The following PLA2G4E variants were observed in gnomAD, a reference collection of about 807,000 sequenced individuals.
PLA2G4E encodes the protein cytosolic phospholipase A2 epsilon.
A neutral mutation model predicts 109.1 loss-of-function variants in PLA2G4E; 84 were observed. The ratio of observed to expected loss-of-function variants is 0.77; its 90% CI spans 0.65 to 0.92. The LOEUF is 0.92. PLA2G4E is among the 40% of genes least tolerant of loss of function. PLA2G4E has a pLI of 0.00. For synonymous variants in PLA2G4E, 469 were observed against 436.1 expected (o/e 1.08, Z -0.94); for missense variants, 1,057 against 1,076.6 (o/e 0.98, Z 0.25).
intron 10 of PLA2G4E, chr15:41,997,999 C>T (rs3743016): frequency 0.16 from 24,482 of 152,122 alleles, 2,480 homozygotes; most frequent in East Asian, 0.28. Context: ...AAACTACCCG[C>T]GAAACTTCTG....
chr15:42,026,512 A>G (rs1404471246), intron 1 of PLA2G4E, among the ~76,000 whole-genome samples: 1 of 152,218 alleles, frequency 6.6e-6, no homozygotes, highest in Non-Finnish European at 1.5e-5. Flanking sequence ...ACTAAATTGG[A>G]AAAAATTGAG....
intron 1 of PLA2G4E, among the ~76,000 whole-genome samples, chr15:42,049,115 C>T (rs906148795): frequency 1.3e-5 from 2 of 152,196 alleles, no homozygotes; most frequent in African/African-American, 2.4e-5. Context: ...GGAGAAGCAC[C>T]TGCTCACCGG....
intron 1 of PLA2G4E, among the ~76,000 whole-genome samples, chr15:42,021,839 C>T (rs2068651517): frequency 6.6e-6 from 1 of 152,218 alleles, no homozygotes; most frequent in Non-Finnish European, 1.5e-5. Context: ...ACCGGCTTTT[C>T]TGGACCATAG....
At chr15:42,007,931 T>G in intron 2 of PLA2G4E, 66 bp from the exon 3 acceptor site, 1 of 1,517,332 alleles carries the variant, frequency 6.6e-7, no homozygotes, top group Non-Finnish European at 9.0e-7. Flanking sequence ...AAAAGGGAAC[T>G]TCAGGCAAGC....
At chr15:41,986,170 G>T (rs907107395) in intron 17 of PLA2G4E, among the ~76,000 whole-genome samples, 165 bp from the exon 18 acceptor site, 1 of 152,148 alleles carries the variant, frequency 6.6e-6, no homozygotes, top group South Asian at 2.1e-4. Context: ...GAAGAACAGC[G>T]TTATCTTGGG....
Position 42,000,103 on chromosome 15 carries a change from C to T in PLA2G4E, c.852+1G>A. 6.3e-7 allele frequency: 1 copy of T among 1,583,646 alleles called. No homozygotes were observed. The highest frequency in any genetic ancestry group is 8.6e-7 in the Non-Finnish European group (1 of 1,164,652). Reference sequence around the variant, plus strand: ...CTCCCCCAGTGTCAGCCGCCTTGTACCCCACAGCTCCAGTGACTCTTGGGC... The same window carrying T: ...CTCCCCCAGTGTCAGCCGCCTTGTATCCCACAGCTCCAGTGACTCTTGGGC... On this transcript the variant is annotated splice_donor_variant, in intron 8 of 19. Coordinates refer to ENST00000399518, the Ensembl canonical transcript of PLA2G4E. LOFTEE classifies it high-confidence loss of function.
At chr15:41,985,943 C>A in exon 18 of PLA2G4E, 1 of 1,606,276 alleles carries the variant, frequency 6.2e-7, no homozygotes, top group Non-Finnish European at 8.5e-7. Flanking sequence ...AACGCAGTGT[C>A]CAGCAGGCAC....
intron 3 of PLA2G4E, among the ~76,000 whole-genome samples, chr15:42,006,781 G>T (rs1440827267): frequency 6.6e-6 from 1 of 152,140 alleles, no homozygotes; most frequent in Non-Finnish European, 1.5e-5. Context: ...GTGGGTTGAG[G>T]CTGCCTCTTA....
chr15:41,990,267 A>G, intron 13 of PLA2G4E, 32 bp from the exon 14 acceptor site: 1 of 1,589,328 alleles, frequency 6.3e-7, no homozygotes, highest in Non-Finnish European at 8.6e-7. Context: ...AAAGAGAAGC[A>G]GCAGCCCAGA....
chr15:42,027,586 T>C (rs2068703123), intron 1 of PLA2G4E, among the ~76,000 whole-genome samples: 1 of 152,260 alleles, frequency 6.6e-6, no homozygotes, highest in Admixed American at 6.5e-5. Context: ...AGTGATCTCC[T>C]GAAAACATAA....
At chr15:42,031,386 A>T (rs1566849413) in intron 1 of PLA2G4E, among the ~76,000 whole-genome samples, 3 of 152,170 alleles carry the variant, frequency 2.0e-5, no homozygotes, top group Admixed American at 6.6e-5. Context: ...CCAGACGTGA[A>T]ATGGCTGGGT....
intron 1 of PLA2G4E, among the ~76,000 whole-genome samples, chr15:42,016,487 C>T (rs973729309): frequency 4.6e-5 from 7 of 152,000 alleles, no homozygotes; most frequent in African/African-American, 2.4e-5. Context: ...CAGGTGCTCA[C>T]GACCACGCCC....
intron 1 of PLA2G4E, among the ~76,000 whole-genome samples, chr15:42,037,307 G>C (rs1179305194): frequency 6.6e-6 from 1 of 152,208 alleles, no homozygotes; most frequent in Non-Finnish European, 1.5e-5. Context: ...GGCTGCCCAC[G>C]GACCAATGTG....
At position 41,995,328 on chromosome 15, in the gene PLA2G4E, G is replaced by C. The variant is rs536352968; in HGVS notation, c.1247+32C>G. 8 of 1,602,350 alleles carry C rather than the reference G, an allele frequency of 5.0e-6. No homozygotes were observed. The African/African-American group carries it at 1.1e-4, about 21-fold the overall frequency. On this transcript the variant is annotated intron_variant, in intron 12 of 19. Coordinates refer to ENST00000399518, the Ensembl canonical transcript of PLA2G4E. Reference sequence around the variant, plus strand: ...GCCAGCCTGTTCGTGGCTTGCCCTGGGCTCCACAGACAGTGGCTCATGTCT... The same window carrying C: ...GCCAGCCTGTTCGTGGCTTGCCCTGCGCTCCACAGACAGTGGCTCATGTCT...
chr15:41,985,819 G>A lies in PLA2G4E; in HGVS notation c.2202+20C>T. The A allele has an allele frequency of 6.2e-7, 1 of 1,601,994 alleles. No individual in the cohort carries two copies. The highest frequency in any genetic ancestry group is 1.1e-5 in the South Asian group (1 of 88,452). On this transcript the variant is annotated intron_variant, in intron 18 of 19. Transcript: ENST00000399518. ...AGGAGAGGCTGCAGCCCATGCTCAG[G>A]AGGGAGGCTGCGCACTTGCCTTTGT... is the stretch of plus-strand genomic sequence containing the variant.
chr15:42,010,769 CT>C (rs1174976924), intron 2 of PLA2G4E, among the ~76,000 whole-genome samples: 1 of 152,198 alleles, frequency 6.6e-6, no homozygotes, highest in Non-Finnish European at 1.5e-5. Flanking sequence ...ACAAAAACTC[CT>C]GACAACTGGG....
chr15:41,994,939 C>A (rs746637581), intron 12 of PLA2G4E, among the ~76,000 whole-genome samples: 3 of 152,336 alleles, frequency 2.0e-5, no homozygotes, highest in Non-Finnish European at 4.4e-5. Context: ...GTGCTCAGCC[C>A]CTGGCCCTGC....
At chr15:41,988,296 G>A (rs919459591) in intron 15 of PLA2G4E, 140 bp from the exon 16 acceptor site, 9 of 601,832 alleles carry the variant, frequency 1.5e-5, no homozygotes, top group Admixed American at 1.1e-4. Context: ...AGACTTCCAT[G>A]TCCTTCTCCC....
intron 1 of PLA2G4E, among the ~76,000 whole-genome samples, chr15:42,034,917 A>C (rs1889181903): frequency 6.6e-6 from 1 of 152,238 alleles, no homozygotes; most frequent in African/African-American, 2.4e-5. Flanking sequence ...AATCAGCTTT[A>C]GTTACTCTGC....
Sources: gnomAD v4.1 joint callset for allele counts (sites outside exome capture counted in the v4.1 genomes callset) on GRCh38, gnomAD v4.1.1 for gene constraint, MANE v1.5 for transcripts, NCBI Gene and HGNC (gene_info 2026-07-23, HGNC 2026-07-21) for gene names.